Variants in IGFBP7 observed in about 807,000 individuals in gnomAD.
IGFBP7 encodes insulin like growth factor binding protein 7, also known as insulin-like growth factor-binding protein 7.
Under a neutral mutation model 29.4 loss-of-function variants are expected in IGFBP7, and 31 were observed. The observed-to-expected ratio is 1.05, with a 90% CI of 0.79 to 1.42. The LOEUF (loss-of-function observed/expected upper bound fraction) is 1.42. Among genes scored for constraint, IGFBP7 ranks in the 40% most tolerant of loss-of-function variants. The pLI is 0.00. For synonymous variants in IGFBP7, 172 were observed against 174.9 expected (o/e 0.98, Z 0.13); for missense variants, 393 against 395.5 (o/e 0.99, Z 0.05).
At chr4:57,042,835 C>T (rs1255941222) in intron 1 of IGFBP7, among the ~76,000 whole-genome samples, 3 of 152,168 alleles carry the variant, frequency 2.0e-5, no homozygotes, top group Admixed American at 6.5e-5. Flanking sequence ...TGTCACTGGC[C>T]TTTTATAAAG....
intron 1 of IGFBP7, among the ~76,000 whole-genome samples, chr4:57,061,198 C>T (rs1724791625): frequency 6.6e-6 from 1 of 152,010 alleles, no homozygotes; most frequent in South Asian, 2.1e-4. Context: ...TACAATAGTC[C>T]ACCCTTATCC....
At chr4:57,076,489 C>A (rs1336933236) in intron 1 of IGFBP7, among the ~76,000 whole-genome samples, 7 of 152,186 alleles carry the variant, frequency 4.6e-5, no homozygotes. Context: ...ATCAGTGAAG[C>A]CAGAAAGCTA....
chr4:57,105,056 G>C (rs1725989095), intron 1 of IGFBP7, among the ~76,000 whole-genome samples: 2 of 152,156 alleles, frequency 1.3e-5, no homozygotes, highest in Non-Finnish European at 2.9e-5. Context: ...AGTCTAGTGG[G>C]GAAGACAGAC....
Position 57,031,221 on chromosome 4 carries a change from A to T in IGFBP7, c.*96T>A. On this transcript the variant is annotated 3_prime_UTR_variant, in exon 5 of 5. Coordinates refer to ENST00000295666, the MANE Select transcript of IGFBP7 (RefSeq NM_001553.3). ...AACCAGTGAATATAACTAAAGTGTTAGTGGATTGGATTAAAAGAAACTTAT... is the reference window on the plus strand; with the variant it reads ...AACCAGTGAATATAACTAAAGTGTTTGTGGATTGGATTAAAAGAAACTTAT... The T allele has an allele frequency of 2.0e-6, 2 of 993,014 alleles. No individual in the cohort carries two copies. The highest frequency in any genetic ancestry group is 3.2e-6 in the Non-Finnish European group (2 of 626,892). 61.5% of individuals were successfully genotyped at this position (993,014 alleles called of 1,614,324 possible).
intron 1 of IGFBP7, among the ~76,000 whole-genome samples, chr4:57,055,424 A>G (rs1724634534): frequency 6.6e-6 from 1 of 152,236 alleles, no homozygotes. Flanking sequence ...TTAGGAAGAC[A>G]GGAAGGTGGA....
chr4:57,101,915 T>C (rs1725906434), intron 1 of IGFBP7, among the ~76,000 whole-genome samples: 1 of 152,190 alleles, frequency 6.6e-6, no homozygotes, highest in Non-Finnish European at 1.5e-5. Context: ...TTAATTCACA[T>C]ATACCTAAGT....
At chr4:57,080,522 T>TC (rs1438026870) in intron 1 of IGFBP7, among the ~76,000 whole-genome samples, 2 of 152,232 alleles carry the variant, frequency 1.3e-5, no homozygotes, top group African/African-American at 4.8e-5. Context: ...GAGGAAGATT[T>TC]TGAGTGAAAT....
chr4:57,056,009 C>T (rs1724661911), intron 1 of IGFBP7, among the ~76,000 whole-genome samples: 1 of 152,118 alleles, frequency 6.6e-6, no homozygotes, highest in African/African-American at 2.4e-5. Flanking sequence ...TTTTTACCCT[C>T]CAGGCCCCGG....
chr4:57,049,839 C>T (rs1724460184), intron 1 of IGFBP7, among the ~76,000 whole-genome samples: 1 of 152,114 alleles, frequency 6.6e-6, no homozygotes, highest in African/African-American at 2.4e-5. Context: ...GCAGCAGTAA[C>T]TTCAGAACAA....
At chr4:57,088,759 TG>T (rs1256218813) in intron 1 of IGFBP7, among the ~76,000 whole-genome samples, 1 of 152,058 alleles carries the variant, frequency 6.6e-6, no homozygotes, top group Non-Finnish European at 1.5e-5. Flanking sequence ...CTGGGCACGG[TG>T]GCTCACGTCT....
chr4:57,032,578 T>G (rs1239364635), intron 3 of IGFBP7, 26 bp from the exon 4 acceptor site: 1 of 1,554,988 alleles, frequency 6.4e-7, no homozygotes, highest in African/African-American at 1.4e-5. Flanking sequence ...GATCTAGTAT[T>G]CCTCTGTGGT....
intron 2 of IGFBP7, among the ~76,000 whole-genome samples, chr4:57,040,463 C>A (rs974858766): frequency 6.6e-6 from 1 of 152,142 alleles, no homozygotes; most frequent in Non-Finnish European, 1.5e-5. Flanking sequence ...CGCTTTTAAC[C>A]CCTATGCTAT....
chr4:57,038,567 G>C lies in IGFBP7; in HGVS notation c.585+2257C>G, dbSNP rs1027279261. 2.6e-4 allele frequency among the ~76,000 whole-genome samples: 40 copies of C among 152,086 alleles called. 1 individual carries two copies. Among genetic ancestry groups the C allele is most frequent in the African/African-American group, 8.9e-4 (37 of 41,416 alleles). ...CTGGAGTTCTAGAAGTTGCTTCTCC[G>C]GTCACACAGAGAGCAAACAAAATAG... On this transcript the variant is annotated intron_variant, in intron 2 of 4. Coordinates refer to ENST00000295666, the MANE Select transcript of IGFBP7 (RefSeq NM_001553.3).
At chr4:57,088,939 G>A in intron 1 of IGFBP7, among the ~76,000 whole-genome samples, 1 of 151,134 alleles carries the variant, frequency 6.6e-6, no homozygotes, top group East Asian at 2.0e-4. Context: ...GGCTGAAGCA[G>A]GAGAATCGCT....
chr4:57,070,301 CA>C (rs1725025451), intron 1 of IGFBP7, among the ~76,000 whole-genome samples: 1 of 152,096 alleles, frequency 6.6e-6, no homozygotes, highest in Non-Finnish European at 1.5e-5. Context: ...TAAATAAAAA[CA>C]AAAACCACAT....
chr4:57,102,456 C>T (rs1428355373), intron 1 of IGFBP7, among the ~76,000 whole-genome samples: 2 of 152,152 alleles, frequency 1.3e-5, no homozygotes, highest in Non-Finnish European at 2.9e-5. Flanking sequence ...AAGAGAGTCT[C>T]CTGACTTCTG....
intron 1 of IGFBP7, among the ~76,000 whole-genome samples, chr4:57,048,462 T>TAG (rs1724422164): frequency 6.6e-6 from 1 of 152,228 alleles, no homozygotes; most frequent in African/African-American, 2.4e-5. Context: ...GTACTACTGA[T>TAG]ACAGAAAAGG....
In IGFBP7 at chr4:57,030,835, G is replaced by A. The variant is rs749253779; in HGVS notation, c.*482C>T. ...CAGTACCAGATCTTTGTCTTTTTCT[G>A]GGGTAGAGAAGTGGGGTCACTTCAA... is the stretch of plus-strand genomic sequence containing the variant. On this transcript the variant is annotated 3_prime_UTR_variant, in exon 5 of 5. Coordinates refer to ENST00000295666, the MANE Select transcript of IGFBP7 (RefSeq NM_001553.3). 58 of 886,136 alleles carry A rather than the reference G, an allele frequency of 6.5e-5. No individual in the cohort carries two copies. Among genetic ancestry groups the A allele is most frequent in the Non-Finnish European group, 9.0e-5 (47 of 520,734 alleles). 54.9% of individuals were successfully genotyped at this position (886,136 alleles called of 1,614,324 possible).
At chr4:57,076,660 C>T (rs1718846) in intron 1 of IGFBP7, among the ~76,000 whole-genome samples, 95,900 of 152,026 alleles carry the variant, frequency 0.63, 30,716 homozygotes, top group East Asian at 0.89. Flanking sequence ...TAGAAGGTGA[C>T]GTGGGTGTTT....
Sources: gnomAD v4.1 joint callset for allele counts (sites outside exome capture counted in the v4.1 genomes callset) on GRCh38, gnomAD v4.1.1 for gene constraint, MANE v1.5 for transcripts, NCBI Gene and HGNC (gene_info 2026-07-23, HGNC 2026-07-21) for gene names.